BRINP2: variants seen among roughly 807,000 people sequenced by gnomAD.
BRINP2 encodes the protein BMP/retinoic acid inducible neural specific 2.
Under a neutral mutation model 69.2 loss-of-function variants are expected in BRINP2, and 21 were observed. The observed-to-expected ratio is 0.30, with a 90% CI of 0.22 to 0.44. BRINP2 has a LOEUF of 0.44. Ranked by LOEUF, BRINP2 falls within the 20% of genes least tolerant of loss-of-function variation. The pLI, the probability that BRINP2 is intolerant of heterozygous loss-of-function variation, is 1.00. For synonymous variants in BRINP2, 380 were observed against 394.1 expected (o/e 0.96, Z 0.42); for missense variants, 877 against 986.0 (o/e 0.89, Z 1.48).
chr1:177,269,775 G>A (rs1055575157), intron 4 of BRINP2, among the ~76,000 whole-genome samples: 4 of 152,152 alleles, frequency 2.6e-5, no homozygotes, highest in Non-Finnish European at 5.9e-5. Context: ...TGGAATGAGG[G>A]TTTGCATGAT....
chr1:177,185,888 C>T (rs982314941), intron 1 of BRINP2, among the ~76,000 whole-genome samples: 2 of 152,172 alleles, frequency 1.3e-5, no homozygotes, highest in African/African-American at 4.8e-5. Flanking sequence ...TCAGACATAA[C>T]CTGTTCAGGA....
At chr1:177,193,982 G>A (rs537054823) in intron 1 of BRINP2, among the ~76,000 whole-genome samples, 1 of 152,256 alleles carries the variant, frequency 6.6e-6, no homozygotes, top group South Asian at 2.1e-4. Flanking sequence ...AAGTAGAATT[G>A]GAACCCAGTT....
chr1:177,233,744 G>C (rs2102328005), intron 2 of BRINP2, among the ~76,000 whole-genome samples: 1 of 152,194 alleles, frequency 6.6e-6, no homozygotes, highest in East Asian at 1.9e-4. Flanking sequence ...ATGGTTTCCA[G>C]CATATGTTAA....
intron 1 of BRINP2, among the ~76,000 whole-genome samples, chr1:177,205,684 C>T (rs943357027): frequency 6.6e-6 from 1 of 152,172 alleles, no homozygotes; most frequent in Admixed American, 6.5e-5. Flanking sequence ...AATGCCCATC[C>T]ACTGCAGGCT....
chr1:177,228,319 T>G (rs181128931), intron 1 of BRINP2, among the ~76,000 whole-genome samples: 3 of 152,256 alleles, frequency 2.0e-5, no homozygotes, highest in Admixed American at 2.0e-4. Flanking sequence ...GAGGCACGGA[T>G]CTCTCAGACT....
intron 2 of BRINP2, among the ~76,000 whole-genome samples, chr1:177,232,873 G>A (rs1337817308): frequency 6.6e-6 from 1 of 152,076 alleles, no homozygotes; most frequent in Non-Finnish European, 1.5e-5. Flanking sequence ...CACCCTTTAA[G>A]GAAGCTTTTG....
At chr1:177,227,528 G>T (rs1176418496) in intron 1 of BRINP2, among the ~76,000 whole-genome samples, 1 of 151,898 alleles carries the variant, frequency 6.6e-6, no homozygotes, top group Non-Finnish European at 1.5e-5. Context: ...AATATTTTGG[G>T]CATCCTCATC....
intron 1 of BRINP2, among the ~76,000 whole-genome samples, chr1:177,172,958 T>C (rs1380328311): frequency 1.3e-5 from 2 of 152,214 alleles, no homozygotes; most frequent in Non-Finnish European, 2.9e-5. Flanking sequence ...ATGTGCATGT[T>C]GAAGTGACTC....
rs766969356 is a variant in BRINP2, at chr1:177,255,946, C to T, written c.297C>T (p.Asn99=). 8 of 1,614,208 alleles carry T rather than the reference C, an allele frequency of 5.0e-6. No homozygotes were observed. Among genetic ancestry groups the T allele is most frequent in the Non-Finnish European group, 6.8e-6 (8 of 1,180,016 alleles). Reference sequence around the variant, plus strand: ...AGTTTGCCCGTTGGAAGGTGAACAACTTGGCTCTGGAAAGGAAGGACTTCT... The same window carrying T: ...AGTTTGCCCGTTGGAAGGTGAACAATTTGGCTCTGGAAAGGAAGGACTTCT... ...YREFARWKVN[N]LALERKDFFS... Residue 99 remains asparagine, a synonymous_variant, in exon 3 of 8, where the codon AAC becomes AAT. Coordinates refer to ENST00000361539, the MANE Select transcript of BRINP2 (RefSeq NM_021165.4).
At chr1:177,276,173 A>G in intron 5 of BRINP2, 25 bp from the exon 6 acceptor site, 1 of 1,595,858 alleles carries the variant, frequency 6.3e-7, no homozygotes, top group Non-Finnish European at 8.6e-7. Flanking sequence ...CTTCCCAGAG[A>G]TTCCTTGACA....
chr1:177,184,890 T>C (rs1042719733), intron 1 of BRINP2, among the ~76,000 whole-genome samples: 4 of 152,266 alleles, frequency 2.6e-5, no homozygotes, highest in African/African-American at 9.6e-5. Flanking sequence ...TGTGTTTCCT[T>C]TAAGGCAGTG....
At chr1:177,246,794 G>A (rs566341506) in intron 2 of BRINP2, among the ~76,000 whole-genome samples, 13 of 152,142 alleles carry the variant, frequency 8.5e-5, no homozygotes, top group Non-Finnish European at 1.3e-4. Context: ...TTATCGTTTC[G>A]TTTTATAGCT....
intron 1 of BRINP2, among the ~76,000 whole-genome samples, chr1:177,176,541 TTATTATTATTA>T (rs1648092553): frequency 1.3e-5 from 2 of 148,618 alleles, no homozygotes; most frequent in African/African-American, 4.9e-5. Context: ...ATTATTATTA[TTATTATTATTA>T]TTTTTGGATA....
At chr1:177,249,712 G>A (rs1224401451) in intron 2 of BRINP2, among the ~76,000 whole-genome samples, 1 of 152,106 alleles carries the variant, frequency 6.6e-6, no homozygotes, top group Non-Finnish European at 1.5e-5. Flanking sequence ...TCTATTACTG[G>A]GGGGAAAAGC....
rs1448213488 is a variant in BRINP2, at chr1:177,273,558, T to G, written c.740T>G (p.Leu247Trp). 2 of 1,606,788 alleles carry G rather than the reference T, an allele frequency of 1.2e-6. No individual in the cohort carries two copies. The stretch of plus-strand genomic sequence containing the variant: ...AATCTGGACTCAGTCAGTTCTGTCT[T>G]GGTACAGAGTCCAGAGAACAAAGTA... The part of the protein sequence containing the change: ...YDNLDSVSSV[L>W]VQSPENKVQL... The change falls in exon 5 of 8, where the codon TTG becomes TGG. Residue 247 changes from leucine (L) to tryptophan (W), a missense_variant. Transcript: ENST00000361539.
In BRINP2 at chr1:177,222,575, G is replaced by C. The variant is rs777219183; in HGVS notation, c.-76-7226G>C. Among the ~76,000 whole-genome samples, 3 of 151,930 alleles carry C rather than the reference G, an allele frequency of 2.0e-5. No individual in the cohort carries two copies. The East Asian group carries it at 5.8e-4, about 29-fold the overall frequency. On this transcript the variant is annotated intron_variant, in intron 1 of 7. Transcript: ENST00000361539. Reference sequence around the variant, plus strand: ...GATCCACCCACCTCAACCTCCCAAGGTGCTGGGATTACAGGCGTGAGCCAC... The same window carrying C: ...GATCCACCCACCTCAACCTCCCAAGCTGCTGGGATTACAGGCGTGAGCCAC...
At chr1:177,203,192 C>T (rs1248297212) in intron 1 of BRINP2, among the ~76,000 whole-genome samples, 1 of 151,876 alleles carries the variant, frequency 6.6e-6, no homozygotes, top group African/African-American at 2.4e-5. Flanking sequence ...GTGGATGAAG[C>T]TGGAAACCAT....
intron 1 of BRINP2, among the ~76,000 whole-genome samples, chr1:177,216,301 G>A (rs1265194364): frequency 1.3e-5 from 2 of 151,928 alleles, no homozygotes; most frequent in Non-Finnish European, 2.9e-5. Context: ...TTGCCATGAG[G>A]CTTACATAGA....
At chr1:177,228,146 G>A (rs1359182605) in intron 1 of BRINP2, among the ~76,000 whole-genome samples, 4 of 152,172 alleles carry the variant, frequency 2.6e-5, no homozygotes, top group Non-Finnish European at 5.9e-5. Context: ...AACTTTCTGT[G>A]AGAACTATGG....
Sources: allele counts gnomAD v4.1 joint callset (sites outside exome capture counted in the v4.1 genomes callset), GRCh38; gene constraint gnomAD v4.1.1; transcripts MANE v1.5; gene names NCBI Gene and HGNC (gene_info 2026-07-23, HGNC 2026-07-21).